The following MAGI2 variants were observed in gnomAD, a reference collection of about 807,000 sequenced individuals.
MAGI2 encodes membrane associated guanylate kinase, WW and PDZ domain containing 2.
A neutral mutation model predicts 133.3 loss-of-function variants in MAGI2; 35 were observed. The ratio of observed to expected loss-of-function variants is 0.26; its 90% CI spans 0.20 to 0.35. The LOEUF is 0.35. Ranked by LOEUF, MAGI2 falls within the 10% of genes least tolerant of loss-of-function variation. MAGI2 has a pLI of 1.00. For synonymous variants in MAGI2, 729 were observed against 710.6 expected, an observed-to-expected ratio of 1.03 and a Z score of -0.41; for missense variants, 1,636 against 1,863.4, an observed-to-expected ratio of 0.88 and a Z score of 2.25.
At chr7:79,288,100 AT>A (rs1836162996) in intron 1 of MAGI2, among the ~76,000 whole-genome samples, 1 of 152,168 alleles carries the variant, frequency 6.6e-6, no homozygotes, top group Non-Finnish European at 1.5e-5. Context: ...TAAAACTGCA[AT>A]AACTGTTTTC....
At chr7:78,792,486 T>TA (rs1787253648) in intron 2 of MAGI2, among the ~76,000 whole-genome samples, 1 of 152,190 alleles carries the variant, frequency 6.6e-6, no homozygotes. Flanking sequence ...AGGCTGGAAA[T>TA]AAGTGTGAGA....
chr7:78,925,592 T>C (rs1799633504), intron 2 of MAGI2, among the ~76,000 whole-genome samples: 1 of 152,024 alleles, frequency 6.6e-6, no homozygotes, highest in African/African-American at 2.4e-5. Flanking sequence ...TTTATAAAAA[T>C]GGAATTTTCC....
chr7:78,108,727 TA>T (rs1818980369), intron 20 of MAGI2, among the ~76,000 whole-genome samples: 2 of 145,984 alleles, frequency 1.4e-5, no homozygotes, highest in Non-Finnish European at 3.1e-5. Flanking sequence ...TATGTGTGTG[TA>T]TACACACACA....
intron 6 of MAGI2, among the ~76,000 whole-genome samples, chr7:78,407,815 C>T (rs139941515): frequency 7.3e-4 from 111 of 151,856 alleles, no homozygotes; most frequent in Non-Finnish European, 1.4e-3. Context: ...TACTGAGGTG[C>T]CTTTATGTTA....
At chr7:79,204,112 C>T (rs932393009) in intron 1 of MAGI2, among the ~76,000 whole-genome samples, 3 of 151,986 alleles carry the variant, frequency 2.0e-5, no homozygotes, top group African/African-American at 7.3e-5. Context: ...GATGTGAGTG[C>T]AAAACTTTAC....
At chr7:78,716,637 C>T (rs957900761) in intron 2 of MAGI2, among the ~76,000 whole-genome samples, 2 of 152,132 alleles carry the variant, frequency 1.3e-5, no homozygotes, top group African/African-American at 4.8e-5. Flanking sequence ...ATTCACATTG[C>T]TGAGCACGCT....
intron 2 of MAGI2, among the ~76,000 whole-genome samples, chr7:78,898,651 C>T (rs931386640): frequency 6.6e-6 from 1 of 151,982 alleles, no homozygotes; most frequent in Non-Finnish European, 1.5e-5. Context: ...TAGGGCCTAT[C>T]AGAGGATCAG....
At chr7:79,317,778 C>G (rs1183329796) in intron 1 of MAGI2, among the ~76,000 whole-genome samples, 1 of 152,122 alleles carries the variant, frequency 6.6e-6, no homozygotes, top group African/African-American at 2.4e-5. Flanking sequence ...TCATTTCCTT[C>G]GCTTGCCATG....
chr7:78,414,083 A>G (rs900695924), intron 6 of MAGI2, among the ~76,000 whole-genome samples: 5 of 152,036 alleles, frequency 3.3e-5, no homozygotes, highest in Non-Finnish European at 7.4e-5. Flanking sequence ...AAATTTGAGC[A>G]TCTGTTCCCT....
At chr7:78,549,010 A>G (rs1799110869) in intron 3 of MAGI2, among the ~76,000 whole-genome samples, 1 of 150,800 alleles carries the variant, frequency 6.6e-6, no homozygotes, top group Non-Finnish European at 1.5e-5. Flanking sequence ...TCATTCAAGG[A>G]AAAAGTTTCT....
intron 3 of MAGI2, among the ~76,000 whole-genome samples, chr7:78,577,221 A>G (rs1203909164): frequency 6.6e-6 from 1 of 152,222 alleles, no homozygotes; most frequent in Non-Finnish European, 1.5e-5. Context: ...TATGGAAAAT[A>G]ACTAAAATTC....
At chr7:78,819,159 A>G (rs965091456) in intron 2 of MAGI2, among the ~76,000 whole-genome samples, 139 of 152,238 alleles carry the variant, frequency 9.1e-4, no homozygotes, top group African/African-American at 3.1e-3. Context: ...TTGATTTTGT[A>G]TTTTATAAAC....
At chr7:79,235,457 A>G (rs889216261) in intron 1 of MAGI2, among the ~76,000 whole-genome samples, 22 of 152,264 alleles carry the variant, frequency 1.4e-4, no homozygotes, top group African/African-American at 4.1e-4. Context: ...CTCCGTGGGC[A>G]TAGGACCCTC....
intron 3 of MAGI2, among the ~76,000 whole-genome samples, chr7:78,623,246 C>A (rs944572626): frequency 6.6e-6 from 1 of 151,870 alleles, no homozygotes; most frequent in East Asian, 1.9e-4. Context: ...TCATGTTACT[C>A]TTTTAATGAT....
intron 3 of MAGI2, among the ~76,000 whole-genome samples, chr7:78,554,154 G>T (rs1055068958): frequency 6.6e-6 from 1 of 152,208 alleles, no homozygotes; most frequent in Non-Finnish European, 1.5e-5. Context: ...CTGACCCAAA[G>T]TTGGTCTCAT....
chr7:78,789,216 C>A (rs1052762181), intron 2 of MAGI2, among the ~76,000 whole-genome samples: 2 of 152,112 alleles, frequency 1.3e-5, no homozygotes, highest in African/African-American at 2.4e-5. Context: ...ATTAAAAAAA[C>A]CAAGATAAAA....
At chr7:78,759,190 T>C (rs1233522625) in intron 2 of MAGI2, among the ~76,000 whole-genome samples, 1 of 152,112 alleles carries the variant, frequency 6.6e-6, no homozygotes, top group African/African-American at 2.4e-5. Context: ...CCATATTAAG[T>C]AATCAAGTCT....
chr7:79,357,349 A>G (rs919609544), intron 1 of MAGI2, among the ~76,000 whole-genome samples: 2 of 152,130 alleles, frequency 1.3e-5, no homozygotes, highest in Admixed American at 6.5e-5. Flanking sequence ...GGCTCACAGC[A>G]GAGTAAGCTG....
chr7:79,300,412 G>A (rs1837303762), intron 1 of MAGI2, among the ~76,000 whole-genome samples: 1 of 152,180 alleles, frequency 6.6e-6, no homozygotes, highest in Non-Finnish European at 1.5e-5. Context: ...TTTTGTTCAT[G>A]ACTTAGTGAT....
Sources: allele counts gnomAD v4.1 joint callset (sites outside exome capture counted in the v4.1 genomes callset), GRCh38; gene constraint gnomAD v4.1.1; transcripts MANE v1.5; gene names NCBI Gene and HGNC (gene_info 2026-07-23, HGNC 2026-07-21).